The following CASP10 variants were observed in gnomAD, a reference collection of about 807,000 sequenced individuals.
CASP10 encodes caspase-10.
CASP10 carries 41 observed loss-of-function variants against 48.5 expected under a neutral mutation model. The observed-to-expected ratio is 0.85, with a 90% CI of 0.66 to 1.10. The LOEUF (loss-of-function observed/expected upper bound fraction) is 1.10. CASP10 is among the 50% of genes least tolerant of loss of function. The pLI is 0.00. For missense variants in CASP10, 614 were observed against 614.5 expected (o/e 1.00, Z 0.01); for synonymous variants, 232 against 238.4 (o/e 0.97, Z 0.25).
rs766784091 is a variant in CASP10 at position 201,185,907 on chromosome 2, A to G, written c.130A>G (p.Ile44Val). ...TGTGGAGAACCTCAAGTTTCTCTGC[A>G]TAGGATTGGTCCCCAACAAGAAGCT... ...QDVENLKFLC[I>V]GLVPNKKLEK... is the part of the protein sequence containing the mutation. Residue 44 changes from isoleucine (I) to valine (V), a missense_variant, in exon 2 of 10, where the codon ATA becomes GTA. By Grantham distance (29) the Ile-to-Val change is conservative (BLOSUM62 3). Coordinates refer to ENST00000286186, the MANE Select transcript of CASP10 (RefSeq NM_032977.4). 7.4e-6 allele frequency: 12 copies of G among 1,614,066 alleles called. No homozygotes were observed. Among genetic ancestry groups the G allele is most frequent in the African/African-American group, 2.7e-5 (2 of 74,940 alleles).
intron 9 of CASP10, among the ~76,000 whole-genome samples, chr2:201,211,545 C>G (rs1295302613): frequency 2.6e-5 from 4 of 152,130 alleles, no homozygotes; most frequent in African/African-American, 9.7e-5. Context: ...TCAGACATGT[C>G]AGGATTTTCT....
rs968445335 is a variant in CASP10, at chr2:201,218,682, A to G, written c.*941A>G. On this transcript the variant is annotated 3_prime_UTR_variant, in exon 10 of 10. Coordinates refer to ENST00000286186, the MANE Select transcript of CASP10 (RefSeq NM_032977.4). ...TAGATTGAGCTTAGATTGCCTCTCT[A>G]GACAACTACCCCTTAGTTATAATTC... is the stretch of plus-strand genomic sequence containing the variant. 5.1e-6 allele frequency: 5 copies of G among 985,280 alleles called. No individual in the cohort carries two copies. In the African/African-American group the frequency reaches 8.7e-5, roughly 17 times the overall value. The allele number at this position is 985,280 out of a possible 1,614,324, so 61.0% of individuals were successfully genotyped here. A position where few individuals can be genotyped will look rare whatever the true frequency, so the allele number is the denominator to read the frequency against.
In CASP10 at chr2:201,221,093, G is replaced by A. The variant is rs1047237750; in HGVS notation, c.*3352G>A. 12 of 985,258 alleles carry A rather than the reference G, an allele frequency of 1.2e-5. No individual in the cohort carries two copies. The highest frequency in any genetic ancestry group is 7.0e-5 in the African/African-American group (4 of 57,214). The allele number at this position is 985,258 out of a possible 1,614,324, so 61.0% of individuals were successfully genotyped here. A position where few individuals can be genotyped will look rare whatever the true frequency, so the allele number is the denominator to read the frequency against. Reference sequence around the variant, plus strand: ...ATGCCTTTAGGTGGTAGGGTCTTCCGGTTGTAACTGCAACAGAAATAGCAG... The same window carrying A: ...ATGCCTTTAGGTGGTAGGGTCTTCCAGTTGTAACTGCAACAGAAATAGCAG... On this transcript the variant is annotated 3_prime_UTR_variant, in exon 10 of 10. Coordinates refer to ENST00000286186, the MANE Select transcript of CASP10 (RefSeq NM_032977.4).
chr2:201,217,680 C>G lies in CASP10; in HGVS notation c.1508C>G (p.Pro503Arg). 6.2e-7 allele frequency: 1 copy of G among 1,614,166 alleles called. No individual in the cohort carries two copies. The highest frequency in any genetic ancestry group is 8.5e-7 in the Non-Finnish European group (1 of 1,180,000). The change falls in exon 10 of 10, where the codon CCT becomes CGT. Residue 503 changes from proline (P) to arginine (R), a missense_variant. Physicochemically the swap from Pro to Arg is moderately radical, Grantham distance 103. Transcript: ENST00000286186. ...KQGTKKQMPQ[P>R]AFTLRKKLVF... The stretch of plus-strand genomic sequence containing the variant: ...GGAACAAAGAAACAGATGCCCCAGC[C>G]TGCTTTCACACTAAGGAAAAAACTA...
At chr2:201,186,896 C>T (rs955029773) in intron 2 of CASP10, among the ~76,000 whole-genome samples, 5 of 152,090 alleles carry the variant, frequency 3.3e-5, no homozygotes, top group African/African-American at 1.2e-4. Flanking sequence ...ACATGTTGGC[C>T]AGGCTGGTCT....
In CASP10 at chr2:201,217,934, G is replaced by C. The variant is rs1158437565; in HGVS notation, c.*193G>C. 1 of 1,391,196 alleles carries C rather than the reference G, an allele frequency of 7.2e-7. No individual in the cohort carries two copies. Among genetic ancestry groups the C allele is most frequent in the Non-Finnish European group, 9.4e-7 (1 of 1,066,522 alleles). The allele number at this position is 1,391,196 out of a possible 1,614,324, so 86.2% of individuals were successfully genotyped here. On this transcript the variant is annotated 3_prime_UTR_variant, in exon 10 of 10. Coordinates refer to ENST00000286186, the MANE Select transcript of CASP10 (RefSeq NM_032977.4). ...ATGTTAGAAAACTTTCTTTTTTTTGGAGATAGTCTCATTCTGTCACCCAGA... is the reference window on the plus strand; with the variant it reads ...ATGTTAGAAAACTTTCTTTTTTTTGCAGATAGTCTCATTCTGTCACCCAGA...
rs1945663592 is a variant in CASP10 at position 201,219,354 on chromosome 2, A to G, written c.*1613A>G. On this transcript the variant is annotated 3_prime_UTR_variant, in exon 10 of 10. Coordinates refer to ENST00000286186, the MANE Select transcript of CASP10 (RefSeq NM_032977.4). ...TCAAATTGACTGAAGCAAAGAAGGG[A>G]ATTTATTGCCTCTTTCACATTGAAA... 1.4e-6 allele frequency: 1 copy of G among 730,438 alleles called. No homozygotes were observed. The highest frequency in any genetic ancestry group is 1.9e-5 in the African/African-American group (1 of 52,138). 45.2% of individuals were successfully genotyped at this position (730,438 alleles called of 1,614,324 possible).
intron 5 of CASP10, among the ~76,000 whole-genome samples, chr2:201,196,911 T>A (rs1368143005): frequency 6.6e-6 from 1 of 152,156 alleles, no homozygotes; most frequent in Non-Finnish European, 1.5e-5. Context: ...TCAGGGTACC[T>A]CATATAAGTA....
intron 7 of CASP10, 32 bp downstream of exon 7, chr2:201,206,005 TAA>T (rs746724152): frequency 7.0e-7 from 1 of 1,425,158 alleles, no homozygotes; most frequent in African/African-American, 1.4e-5. Flanking sequence ...CCTTTTTTAA[TAA>T]AAAAATTTTT....
chr2:201,198,899 TTTACAG>T (rs1348689925), intron 5 of CASP10, among the ~76,000 whole-genome samples: 2 of 152,196 alleles, frequency 1.3e-5, no homozygotes, highest in Non-Finnish European at 2.9e-5. Flanking sequence ...GTCTGATATT[TTTACAG>T]TTACAATTTT....
At chr2:201,227,902 C>T (rs530675972) in intron 9 of CASP10, among the ~76,000 whole-genome samples, 2 of 152,228 alleles carry the variant, frequency 1.3e-5, no homozygotes, top group East Asian at 3.9e-4. Flanking sequence ...CAAGGGGTTC[C>T]TCTACAGAAT....
intron 9 of CASP10, among the ~76,000 whole-genome samples, chr2:201,216,742 G>A (rs1945582075): frequency 6.6e-6 from 1 of 152,094 alleles, no homozygotes; most frequent in Non-Finnish European, 1.5e-5. Context: ...TTTTAGAGCT[G>A]GGAAAACCGA....
In CASP10 at chr2:201,209,443, C is replaced by T. The variant is rs41331850; in HGVS notation, c.1296C>T (p.Ala432=). 787 of 1,614,014 alleles carry T rather than the reference C, an allele frequency of 4.9e-4. 3 individuals carry two copies. In the African/African-American group the frequency reaches 9.1e-3, roughly 19 times the overall value. Residue 432 remains alanine (A), a synonymous_variant, in exon 9 of 10, where the codon GCC becomes GCT. Transcript: ENST00000286186. Reference sequence around the variant, plus strand: ...CTTCCCTGCAGGACAGTATTCCTGCCGAGGCTGACTTCCTACTTGGTCTGG... The same window carrying T: ...CTTCCCTGCAGGACAGTATTCCTGCTGAGGCTGACTTCCTACTTGGTCTGG... ...APTSLQDSIP[A]EADFLLGLAT...
Position 201,219,843 on chromosome 2 carries a change from C to G in CASP10, c.*2102C>G, listed in dbSNP as rs1388355299. ...TTAACGCCTTCATTTATAGATGAGG[C>G]AGCTGAGGCCTGGGGATGTGAACAA... On this transcript the variant is annotated 3_prime_UTR_variant, in exon 10 of 10. Coordinates refer to ENST00000286186, the MANE Select transcript of CASP10 (RefSeq NM_032977.4). The G allele has an allele frequency of 1.3e-5, 13 of 984,630 alleles. No homozygotes were observed. The highest frequency in any genetic ancestry group is 1.6e-5 in the Non-Finnish European group (13 of 829,732). 61.0% of individuals were successfully genotyped at this position (984,630 alleles called of 1,614,324 possible). A position where few individuals can be genotyped will look rare whatever the true frequency, so the allele number is the denominator to read the frequency against.
intron 3 of CASP10, among the ~76,000 whole-genome samples, chr2:201,192,566 C>T (rs551007187): frequency 1.2e-4 from 19 of 152,134 alleles, no homozygotes; most frequent in African/African-American, 4.6e-4. Context: ...AAAGCTGTGA[C>T]TTAGAGTTCA....
rs3851974 is a variant in CASP10 at position 201,218,026 on chromosome 2, G to A, written c.*285G>A. 43,024 of 815,654 alleles carry A rather than the reference G, an allele frequency of 0.053. 2,837 individuals are homozygous for A. Among genetic ancestry groups the A allele is most frequent in the African/African-American group, 0.28 (15,350 of 55,438 alleles). The allele number at this position is 815,654 out of a possible 1,614,324, so 50.5% of individuals were successfully genotyped here. ...CCTCCCAGGCTCAAGCTGTCCTCCC[G>A]CCTCAGCTTCCCAAGTAGCTGGGAC... On this transcript the variant is annotated 3_prime_UTR_variant, in exon 10 of 10. Coordinates refer to ENST00000286186, the MANE Select transcript of CASP10 (RefSeq NM_032977.4).
At chr2:201,227,577 G>T (rs922467575) in intron 9 of CASP10, among the ~76,000 whole-genome samples, 5 of 152,076 alleles carry the variant, frequency 3.3e-5, no homozygotes, top group African/African-American at 1.2e-4. Flanking sequence ...TTAGTTTTGA[G>T]ATGGAGTCTC....
In CASP10 at chr2:201,199,437, G is replaced by A. The variant is rs372946574; in HGVS notation, c.684+3489G>A. Among the ~76,000 whole-genome samples the A allele has an allele frequency of 3.3e-5, 5 of 152,066 alleles. No individual in the cohort carries two copies. The East Asian group carries it at 9.6e-4, about 29-fold the overall frequency. ...AGGCCGAGGTGGGAGGACCACTTGA[G>A]GCCAGGAGTTCAAGGTGAGCCTGGG... On this transcript the variant is annotated intron_variant, in intron 5 of 9. Transcript: ENST00000286186.
intron 5 of CASP10, chr2:201,200,700 T>C: frequency 7.7e-7 from 1 of 1,296,804 alleles, no homozygotes; most frequent in African/African-American, 1.5e-5. Flanking sequence ...ATTAAGTACA[T>C]CCTTAATTAA....
Sources: gnomAD v4.1 joint callset for allele counts (sites outside exome capture counted in the v4.1 genomes callset) on GRCh38, gnomAD v4.1.1 for gene constraint, MANE v1.5 for transcripts, NCBI Gene and HGNC (gene_info 2026-07-23, HGNC 2026-07-21) for gene names.